The following SACS variants were observed in gnomAD, a reference collection of about 807,000 sequenced individuals.
SACS encodes the protein sacsin molecular chaperone, also known as sacsin.
In SACS, 197 loss-of-function variants were observed where a neutral mutation model predicts 348.0. The ratio of observed to expected loss-of-function variants is 0.57; its 90% CI spans 0.50 to 0.64. The LOEUF (loss-of-function observed/expected upper bound fraction) is 0.64. Among genes scored for constraint, SACS ranks in the 30% least tolerant of loss-of-function variants. The probability of loss-of-function intolerance (pLI) is 0.00; values close to 1 mark genes in which losing one functional copy is unlikely to be tolerated. For synonymous variants in SACS, 1,985 were observed against 1,910.6 expected (o/e 1.04, Z -1.02); for missense variants, 4,999 against 5,360.8 (o/e 0.93, Z 2.11).
chr13:23,404,694 C>T (rs1873127039), intron 2 of SACS, among the ~76,000 whole-genome samples: 1 of 152,170 alleles, frequency 6.6e-6, no homozygotes, highest in Non-Finnish European at 1.5e-5. Context: ...AGCCCAAAAT[C>T]TCCTTAAGCT....
chr13:23,414,731 ACT>A (rs1274540580), intron 1 of SACS, among the ~76,000 whole-genome samples: 1 of 152,146 alleles, frequency 6.6e-6, no homozygotes, highest in African/African-American at 2.4e-5. Context: ...TTCCTCAGTA[ACT>A]CTCTTAGCCA....
chr13:23,411,017 G>T (rs1466746183), intron 2 of SACS, among the ~76,000 whole-genome samples: 1 of 152,038 alleles, frequency 6.6e-6, no homozygotes, highest in Non-Finnish European at 1.5e-5. Context: ...AAACTATCTG[G>T]GCAAAGTCAA....
In SACS at chr13:23,339,989, T is replaced by C; in HGVS notation, c.3887A>G (p.His1296Arg). The C allele has an allele frequency of 1.9e-6, 3 of 1,613,428 alleles. No homozygotes were observed. The highest frequency in any genetic ancestry group is 1.7e-6 in the Non-Finnish European group (2 of 1,179,754). ...PLAQAVIKPI[H>R]DLDLQPYLHN... is the part of the protein sequence containing the mutation. ...CAAATAAGGCTGAAGGTCAAGATCATGGATTGGTTTAATCACAGCCTGGGC... is the reference window on the plus strand; with the variant it reads ...CAAATAAGGCTGAAGGTCAAGATCACGGATTGGTTTAATCACAGCCTGGGC... The change falls in exon 10 of 10, where the codon CAT becomes CGT. Residue 1296 changes from histidine (H) to arginine (R), a missense_variant. Physicochemically the swap from His to Arg is conservative, Grantham distance 29. Transcript: ENST00000382292.
In SACS at chr13:23,355,781, T is replaced by C. The variant is rs747543820; in HGVS notation, c.831A>G (p.Leu277=). The change falls in exon 8 of 10, where the codon CTA becomes CTG. Residue 277 remains leucine, a synonymous_variant. Coordinates refer to ENST00000382292, the MANE Select transcript of SACS (RefSeq NM_014363.6). Reference sequence around the variant, plus strand: ...GGTTACTACTAAGTTGTGAAGGTTGTAGGCGAAGAGGGAAACGGAAAAATG... The same window carrying C: ...GGTTACTACTAAGTTGTGAAGGTTGCAGGCGAAGAGGGAAACGGAAAAATG... ...PGTFFRFPLR[L]QPSQLSSNLY... 8 of 1,614,092 alleles carry C rather than the reference T, an allele frequency of 5.0e-6. No individual in the cohort carries two copies. Among genetic ancestry groups the C allele is most frequent in the East Asian group, 4.5e-5 (2 of 44,890 alleles).
chr13:23,382,664 C>CTATAATCTT (rs1872107260), intron 2 of SACS, among the ~76,000 whole-genome samples: 1 of 151,996 alleles, frequency 6.6e-6, no homozygotes, highest in African/African-American at 2.4e-5. Flanking sequence ...TTCACTATTT[C>CTATAATCTT]TATAATCTTT....
chr13:23,410,878 T>C (rs1873454034), intron 2 of SACS, among the ~76,000 whole-genome samples: 1 of 152,136 alleles, frequency 6.6e-6, no homozygotes, highest in Non-Finnish European at 1.5e-5. Flanking sequence ...TCACAGTTGT[T>C]TATTTTATAT....
At chr13:23,419,650 T>C (rs1162147906) in intron 1 of SACS, among the ~76,000 whole-genome samples, 1 of 152,174 alleles carries the variant, frequency 6.6e-6, no homozygotes, top group African/African-American at 2.4e-5. Context: ...CTGTGCGTCT[T>C]CTATGCAAAG....
At chr13:23,386,555 T>C (rs533778439) in intron 2 of SACS, among the ~76,000 whole-genome samples, 1 of 152,356 alleles carries the variant, frequency 6.6e-6, no homozygotes, top group East Asian at 1.9e-4. Context: ...ACCACTCAAA[T>C]TGATTCCTAA....
chr13:23,413,841 A>T (rs1385809510), intron 1 of SACS, among the ~76,000 whole-genome samples: 1 of 152,208 alleles, frequency 6.6e-6, no homozygotes. Flanking sequence ...ATATATGTAA[A>T]TTTAGGATTT....
intron 2 of SACS, chr13:23,375,664 C>T: frequency 1.4e-6 from 1 of 716,468 alleles, no homozygotes; most frequent in Non-Finnish European, 1.7e-6. Flanking sequence ...CGCCAGGCCC[C>T]GCCCCCAGGG....
At chr13:23,414,847 A>G (rs543793409) in intron 1 of SACS, among the ~76,000 whole-genome samples, 1 of 152,208 alleles carries the variant, frequency 6.6e-6, no homozygotes, top group East Asian at 1.9e-4. Context: ...CTTCCTTCTG[A>G]CTTACACTGC....
intron 2 of SACS, among the ~76,000 whole-genome samples, chr13:23,400,958 G>A (rs1287976154): frequency 3.4e-5 from 5 of 146,200 alleles, no homozygotes; most frequent in South Asian, 2.3e-4. Flanking sequence ...AAGTTTATTC[G>A]ATTTGTTGAA....
intron 9 of SACS, among the ~76,000 whole-genome samples, chr13:23,348,891 G>A (rs1869782730): frequency 6.6e-6 from 1 of 152,196 alleles, no homozygotes; most frequent in Non-Finnish European, 1.5e-5. Context: ...AGGTCTCTCT[G>A]CTCTCATGAA....
Position 23,376,545 on chromosome 13 carries a change from CA to C in SACS, c.21-1277del, listed in dbSNP as rs376272841. On this transcript the variant is annotated intron_variant, in intron 2 of 9. Coordinates refer to ENST00000382292, the MANE Select transcript of SACS (RefSeq NM_014363.6). ...TAAATTGCCATTTCTCCCTTCCCCC[CA>C]AAAAAAATTATTACTCAGAACTCAT... Among the ~76,000 whole-genome samples the C allele has an allele frequency of 9.0e-4, 136 of 151,950 alleles. 1 individual carries two copies. Among genetic ancestry groups the C allele is most frequent in the African/African-American group, 3.0e-3 (124 of 41,438 alleles).
In SACS at chr13:23,338,230, C is replaced by A; in HGVS notation, c.5646G>T (p.Leu1882Phe). Residue 1882 changes from leucine (L) to phenylalanine (F), a missense_variant, in exon 10 of 10, where the codon TTG becomes TTT. Physicochemically the swap from Leu to Phe is conservative, Grantham distance 22. Coordinates refer to ENST00000382292, the MANE Select transcript of SACS (RefSeq NM_014363.6). ...CYLPLRIKTG[L>F]PVHINGCFAV... is the part of the protein sequence containing the mutation. ...CAAAGCACCCATTGATATGAACTGGCAAGCCTGTTTTTATTCGTAAAGGTA... is the reference window on the plus strand; with the variant it reads ...CAAAGCACCCATTGATATGAACTGGAAAGCCTGTTTTTATTCGTAAAGGTA... 1.9e-6 allele frequency: 3 copies of A among 1,614,102 alleles called. No individual in the cohort carries two copies. The highest frequency in any genetic ancestry group is 2.5e-6 in the Non-Finnish European group (3 of 1,180,008).
Position 23,333,312 on chromosome 13 carries a change from C to G in SACS, c.10564G>C (p.Glu3522Gln), listed in dbSNP as rs774853328. 1 of 1,603,582 alleles carries G rather than the reference C, an allele frequency of 6.2e-7. No homozygotes were observed. The highest frequency in any genetic ancestry group is 1.1e-5 in the South Asian group (1 of 87,974). The change falls in exon 10 of 10, where the codon GAA becomes CAA. Residue 3522 changes from glutamate to glutamine, a missense_variant. By Grantham distance (29) the Glu-to-Gln change is conservative. This residue lies in a region of SACS where 831 missense variants were observed against 941.8 expected (regional missense o/e 0.88). Transcript: ENST00000382292. ...EIKEQLFEKL[E>Q]SLLIIHDANS... ...GCATCATGGATTATCAATAAACTTTCCAGTTTTTCAAAAAGTTGTTCCTTA... is the reference window on the plus strand; with the variant it reads ...GCATCATGGATTATCAATAAACTTTGCAGTTTTTCAAAAAGTTGTTCCTTA...
rs373958627 is a variant in SACS at position 23,358,301 on chromosome 13, T to A, written c.604+34A>T. ...TTACAGAATGTAAGATATAATATTT[T>A]CTAATACCAAGACCGAAAAGCCTAA... is the stretch of plus-strand genomic sequence containing the variant. On this transcript the variant is annotated intron_variant, in intron 7 of 9. Coordinates refer to ENST00000382292, the MANE Select transcript of SACS (RefSeq NM_014363.6). 8 of 1,602,650 alleles carry A rather than the reference T, an allele frequency of 5.0e-6. No individual in the cohort carries two copies. In the African/African-American group the frequency reaches 1.1e-4, roughly 21 times the overall value.
intron 2 of SACS, among the ~76,000 whole-genome samples, chr13:23,396,381 A>G (rs1258668512): frequency 1.3e-5 from 2 of 152,048 alleles, no homozygotes; most frequent in Non-Finnish European, 2.9e-5. Context: ...CCAGAAATCC[A>G]GATACCAACC....
chr13:23,407,718 G>C (rs1012163329), intron 2 of SACS, among the ~76,000 whole-genome samples: 1 of 152,160 alleles, frequency 6.6e-6, no homozygotes, highest in Non-Finnish European at 1.5e-5. Context: ...ACATTAGACA[G>C]GCTCCCCCAC....
Sources: gnomAD v4.1 joint callset for allele counts (sites outside exome capture counted in the v4.1 genomes callset) on GRCh38, gnomAD v4.1.1 for gene constraint, gnomAD v4.1.1 regional missense constraint, MANE v1.5 for transcripts, NCBI Gene and HGNC (gene_info 2026-07-23, HGNC 2026-07-21) for gene names.